SANBR: variants seen among roughly 807,000 people sequenced by gnomAD.
SANBR encodes SANT and BTB domain regulator of CSR, also known as SANT and BTB domain regulator of class switch recombination.
In SANBR, 77 loss-of-function variants were observed where a neutral mutation model predicts 101.8. That is an observed-to-expected ratio of 0.76 (90% CI 0.63 to 0.91). The LOEUF (loss-of-function observed/expected upper bound fraction) is 0.91. Ranked by LOEUF, SANBR falls within the 40% of genes least tolerant of loss-of-function variation. The pLI is 0.00. For synonymous variants in SANBR, 279 were observed against 274.7 expected, an observed-to-expected ratio of 1.02 and a Z score of -0.15; for missense variants, 875 against 853.0, an observed-to-expected ratio of 1.03 and a Z score of -0.32.
At position 61,123,027 on chromosome 2, in the gene SANBR, T is replaced by A; in HGVS notation, c.*865T>A. 1 of 979,654 alleles carries A rather than the reference T, an allele frequency of 1.0e-6. No homozygotes were observed. Among genetic ancestry groups the A allele is most frequent in the Non-Finnish European group, 1.2e-6 (1 of 824,536 alleles). 60.7% of individuals were successfully genotyped at this position (979,654 alleles called of 1,614,324 possible). ...AAAACAGTTATACTTGCTAGTTCGGTCTAAAATTTTCCAAATACATTAGAT... is the reference window on the plus strand; with the variant it reads ...AAAACAGTTATACTTGCTAGTTCGGACTAAAATTTTCCAAATACATTAGAT... On this transcript the variant is annotated 3_prime_UTR_variant, in exon 22 of 22. Transcript: ENST00000402291.
At chr2:61,098,854 A>C (rs1444592881) in intron 12 of SANBR, among the ~76,000 whole-genome samples, 2 of 152,240 alleles carry the variant, frequency 1.3e-5, no homozygotes, top group East Asian at 3.8e-4. Context: ...CCTTTATGGA[A>C]CTTACAGCTG....
chr2:61,093,563 C>T (rs1297218034), intron 11 of SANBR, among the ~76,000 whole-genome samples: 1 of 151,978 alleles, frequency 6.6e-6, no homozygotes, highest in African/African-American at 2.4e-5. Context: ...CCATTGCACT[C>T]CAGTCTGGGA....
At chr2:61,111,510 G>A (rs1683830102) in intron 16 of SANBR, among the ~76,000 whole-genome samples, 1 of 152,168 alleles carries the variant, frequency 6.6e-6, no homozygotes, top group African/African-American at 2.4e-5. Context: ...GCAATTTTGT[G>A]TCCATTTTAA....
intron 21 of SANBR, among the ~76,000 whole-genome samples, chr2:61,136,302 GAAAA>G (rs555339835): frequency 8.1e-6 from 1 of 123,440 alleles, no homozygotes; most frequent in African/African-American, 3.0e-5. Flanking sequence ...AGACTCGTCT[GAAAA>G]AAAAAAAAAG....
exon 22 of SANBR, chr2:61,137,893 C>T (rs1684896228): frequency 1.3e-5 from 2 of 152,156 alleles, no homozygotes. Context: ...ATAGTGACCT[C>T]ATACTATACA....
intron 6 of SANBR, among the ~76,000 whole-genome samples, chr2:61,078,292 G>T (rs1681900591): frequency 6.6e-6 from 1 of 152,174 alleles, no homozygotes; most frequent in African/African-American, 2.4e-5. Flanking sequence ...TAACCTTTAA[G>T]AAACTACCAT....
At chr2:61,137,088 C>G (rs1234379498) in intron 21 of SANBR, among the ~76,000 whole-genome samples, 5 of 151,582 alleles carry the variant, frequency 3.3e-5, no homozygotes, top group Non-Finnish European at 7.4e-5. Context: ...TGAGACAAGC[C>G]TAGGAAAACA....
At chr2:61,079,562 A>G (rs929386614) in intron 6 of SANBR, among the ~76,000 whole-genome samples, 1 of 152,256 alleles carries the variant, frequency 6.6e-6, no homozygotes, top group African/African-American at 2.4e-5. Context: ...TGCTAAATCA[A>G]AAATTTCAGC....
intron 21 of SANBR, among the ~76,000 whole-genome samples, chr2:61,136,870 C>G (rs1281455254): frequency 6.6e-6 from 1 of 150,494 alleles, no homozygotes; most frequent in East Asian, 2.0e-4. Context: ...ACTTGGGAGG[C>G]TGAGGCAGAG....
At chr2:61,111,869 T>A (rs1364550832) in intron 16 of SANBR, among the ~76,000 whole-genome samples, 1 of 152,254 alleles carries the variant, frequency 6.6e-6, no homozygotes, top group Non-Finnish European at 1.5e-5. Flanking sequence ...TATTATTGCA[T>A]GTGTCAGTAG....
chr2:61,118,566 G>GTT lies in SANBR; in HGVS notation c.2028+470_2028+471dup, dbSNP rs1175530888. Among the ~76,000 whole-genome samples the GTT allele has an allele frequency of 2.0e-3, 202 of 99,506 alleles. 3 individuals are homozygous for GTT. Among genetic ancestry groups the GTT allele is most frequent in the African/African-American group, 4.0e-3 (88 of 22,142 alleles). The allele number at this position is 99,506 out of a possible 152,430, so 65.3% of individuals were successfully genotyped here. A position where few individuals can be genotyped will look rare whatever the true frequency, so the allele number is the denominator to read the frequency against. On this transcript the variant is annotated intron_variant, in intron 20 of 21. Transcript: ENST00000402291. ...AAATATATGTGGGGGTTTTTTGTTG[G>GTT]TTTTTTTTTTTTTTTTTTTTTGAGA...
intron 8 of SANBR, among the ~76,000 whole-genome samples, chr2:61,085,127 G>C (rs1293650897): frequency 6.6e-6 from 1 of 152,122 alleles, no homozygotes; most frequent in African/African-American, 2.4e-5. Context: ...TATTAATCTG[G>C]AGTTTAGGTC....
chr2:61,111,654 A>G (rs938759845), intron 16 of SANBR, among the ~76,000 whole-genome samples: 2 of 152,200 alleles, frequency 1.3e-5, no homozygotes, highest in Non-Finnish European at 2.9e-5. Flanking sequence ...ACCACCACCA[A>G]AATAAAAATC....
chr2:61,071,241 C>T (rs890350469), intron 3 of SANBR, among the ~76,000 whole-genome samples: 1 of 152,156 alleles, frequency 6.6e-6, no homozygotes, highest in Admixed American at 6.5e-5. Context: ...AATACCTTCT[C>T]AATTTTTTAT....
downstream of SANBR, among the ~76,000 whole-genome samples, chr2:61,127,027 C>T (rs1024666310): frequency 3.3e-5 from 5 of 152,198 alleles, no homozygotes; most frequent in African/African-American, 1.2e-4. Context: ...AAGTCACTCT[C>T]ATCACATCCT....
chr2:61,116,059 G>A lies in SANBR; in HGVS notation c.1825G>A (p.Ala609Thr). The A allele has an allele frequency of 1.2e-6, 2 of 1,605,598 alleles. No homozygotes were observed. Among genetic ancestry groups the A allele is most frequent in the Non-Finnish European group, 1.7e-6 (2 of 1,175,910 alleles). ...SSPCAQRKEKALEKSASRDVS... is the reference protein window; with the variant it reads ...SSPCAQRKEKTLEKSASRDVS... ...ACCCTGTGCCCAGAGGAAAGAAAAG[G>A]CATTGGAGAAGGTAACTCTGAATTA... Residue 609 changes from alanine (A) to threonine (T), a missense_variant, in exon 17 of 22, where the codon GCA becomes ACA. Physicochemically the swap from Ala to Thr is moderately conservative, Grantham distance 58. Transcript: ENST00000402291.
intron 12 of SANBR, among the ~76,000 whole-genome samples, chr2:61,101,689 C>T (rs993757718): frequency 4.0e-5 from 6 of 150,546 alleles, no homozygotes; most frequent in African/African-American, 1.5e-4. Context: ...GCTGAGATCA[C>T]TGCACGGCAG....
intron 6 of SANBR, among the ~76,000 whole-genome samples, chr2:61,079,746 T>C (rs1405496277): frequency 1.3e-5 from 2 of 151,812 alleles, no homozygotes; most frequent in African/African-American, 4.8e-5. Flanking sequence ...CTATTAAAAA[T>C]TCAAAAAAAA....
Position 61,071,713 on chromosome 2 carries a change from A to G in SANBR, c.258A>G (p.Thr86=). The G allele has an allele frequency of 1.2e-6, 2 of 1,608,218 alleles. No individual in the cohort carries two copies. The highest frequency in any genetic ancestry group is 1.7e-6 in the Non-Finnish European group (2 of 1,178,064). ...AGESPVETLA[T]YIKSSLLDIH... ...AGAGTCCTGTTGAAACTTTAGCCACATATATCAAATCCTCACTTCTTGACA... is the reference window on the plus strand; with the variant it reads ...AGAGTCCTGTTGAAACTTTAGCCACGTATATCAAATCCTCACTTCTTGACA... Residue 86 remains threonine (T), a synonymous_variant, in exon 4 of 22, where the codon ACA becomes ACG. Transcript: ENST00000402291.
Sources: gnomAD v4.1 joint callset for allele counts (sites outside exome capture counted in the v4.1 genomes callset) on GRCh38, gnomAD v4.1.1 for gene constraint, MANE v1.5 for transcripts, NCBI Gene and HGNC (gene_info 2026-07-23, HGNC 2026-07-21) for gene names.